The following MACF1 variants were observed in gnomAD, a reference collection of about 807,000 sequenced individuals.
The protein encoded by MACF1 is microtubule-actin cross-linking factor 1.
In MACF1, 193 loss-of-function variants were observed where a neutral mutation model predicts 854.8. That is an observed-to-expected ratio of 0.23 (90% CI 0.20 to 0.25). MACF1 has a LOEUF of 0.25. MACF1 is among the 10% of genes least tolerant of loss of function. MACF1 has a pLI of 1.00. For synonymous variants in MACF1, 3,185 were observed against 3,226.7 expected (o/e 0.99, Z 0.44); for missense variants, 7,722 against 8,929.1 (o/e 0.86, Z 5.45).
chr1:39,218,372 GA>G (rs1317274764), intron 1 of MACF1, among the ~76,000 whole-genome samples: 1 of 152,156 alleles, frequency 6.6e-6, no homozygotes, highest in African/African-American at 2.4e-5. Context: ...GAAGGGAAAT[GA>G]ATGTCATGCA....
At chr1:39,444,221 G>T (rs1644178193) in intron 79 of MACF1, among the ~76,000 whole-genome samples, 1 of 151,988 alleles carries the variant, frequency 6.6e-6, no homozygotes, top group Admixed American at 6.6e-5. Flanking sequence ...TGTAGTCCCA[G>T]CTACTCAGGA....
intron 40 of MACF1, among the ~76,000 whole-genome samples, chr1:39,342,270 T>C (rs778288769): frequency 3.3e-4 from 50 of 152,290 alleles, no homozygotes; most frequent in Non-Finnish European, 6.0e-4. Context: ...TAAAATGTGG[T>C]GTCCACATTT....
intron 23 of MACF1, among the ~76,000 whole-genome samples, chr1:39,305,394 CAG>C (rs1162628908): frequency 3.3e-5 from 5 of 152,088 alleles, no homozygotes; most frequent in African/African-American, 1.2e-4. Context: ...TTCCACATTC[CAG>C]AGTCAAGTGT....
chr1:39,117,314 A>C (rs556434366), intron 2 of MACF1, among the ~76,000 whole-genome samples: 2 of 151,964 alleles, frequency 1.3e-5, no homozygotes, highest in South Asian at 4.2e-4. Context: ...GTTCTTTCCC[A>C]TTGGCACATT....
chr1:39,338,595 C>T (rs913925006), intron 38 of MACF1, among the ~76,000 whole-genome samples: 2 of 152,166 alleles, frequency 1.3e-5, no homozygotes, highest in Non-Finnish European at 2.9e-5. Context: ...TGTGCTCTAA[C>T]GAAAGGCTGG....
In MACF1 at chr1:39,422,468, G is replaced by T; in HGVS notation, c.15911G>T (p.Cys5304Phe). Residue 5304 changes from cysteine (C) to phenylalanine (F), a missense_variant, in exon 59 of 101, where the codon TGT (cysteine) becomes TTT (phenylalanine). Cys to Phe is a radical substitution (Grantham distance 205, BLOSUM62 -2). Coordinates refer to ENST00000564288, the MANE Select transcript of MACF1 (RefSeq NM_001394062.1). The stretch of plus-strand genomic sequence containing the variant: ...TTAATTCAGAGTGCAGGAAAAGACT[G>T]TGATGTACAGGGTTTAGAACATGAC... ...QGLIQSAGKD[C>F]DVQGLEHDME... The T allele has an allele frequency of 6.2e-7, 1 of 1,614,114 alleles. No homozygotes were observed. Among genetic ancestry groups the T allele is most frequent in the Non-Finnish European group, 8.5e-7 (1 of 1,179,954 alleles).
At chr1:39,170,960 A>G (rs1197233673) in intron 2 of MACF1, among the ~76,000 whole-genome samples, 1 of 152,154 alleles carries the variant, frequency 6.6e-6, no homozygotes, top group Non-Finnish European at 1.5e-5. Flanking sequence ...CATAGCACAC[A>G]CACCTGCTGT....
Position 39,382,146 on chromosome 1 carries a change from G to C in MACF1, c.13842G>C (p.Gln4614His). The stretch of plus-strand genomic sequence containing the variant: ...ACATGTTGAATGCACAAAAGCAACA[G>C]GTCCAGGTGAGCAATATAGCAACAA... ...DPNMLNAQKQQVQFMLKEFEA... is the reference protein window; with the variant it reads ...DPNMLNAQKQHVQFMLKEFEA... Residue 4614 changes from glutamine (Q) to histidine (H), a missense_variant, in exon 56 of 101, where the codon CAG (glutamine) becomes CAC (histidine). Coordinates refer to ENST00000564288, the MANE Select transcript of MACF1 (RefSeq NM_001394062.1). 6.2e-7 allele frequency: 1 copy of C among 1,613,494 alleles called. No individual in the cohort carries two copies. The highest frequency in any genetic ancestry group is 1.1e-5 in the South Asian group (1 of 91,066).
intron 44 of MACF1, among the ~76,000 whole-genome samples, chr1:39,355,081 G>A (rs1569661927): frequency 6.6e-6 from 1 of 152,144 alleles, no homozygotes. Context: ...AAAAATATTG[G>A]CTTAGCTGGA....
intron 89 of MACF1, 187 bp from the exon 90 acceptor site, chr1:39,458,183 T>A (rs773749624): frequency 2.9e-4 from 164 of 556,366 alleles, no homozygotes; most frequent in Non-Finnish European, 3.4e-4. Context: ...AAATCACATT[T>A]CAACATGAGA....
chr1:39,108,515 T>G (rs1216252812), intron 2 of MACF1, among the ~76,000 whole-genome samples: 8 of 149,366 alleles, frequency 5.4e-5, no homozygotes, highest in Non-Finnish European at 1.0e-4. Context: ...GGTTTTTTTT[T>G]TTTTTTTTTT....
chr1:39,106,871 G>T (rs1642256004), intron 2 of MACF1, among the ~76,000 whole-genome samples: 2 of 146,190 alleles, frequency 1.4e-5, no homozygotes, highest in Admixed American at 7.1e-5. Context: ...AAGTAGAGAT[G>T]AAATGCGAAA....
chr1:39,275,467 C>T (rs1645416587), intron 6 of MACF1, among the ~76,000 whole-genome samples: 1 of 151,994 alleles, frequency 6.6e-6, no homozygotes, highest in South Asian at 2.1e-4. Flanking sequence ...CGCACAGTAG[C>T]CATAAACTCC....
rs754598193 is a variant in MACF1, at chr1:39,347,002, G to A, written c.10607G>A (p.Arg3536Lys). 1 of 1,612,662 alleles carries A rather than the reference G, an allele frequency of 6.2e-7. No homozygotes were observed. Among genetic ancestry groups the A allele is most frequent in the South Asian group, 1.1e-5 (1 of 90,656 alleles). Residue 3536 changes from arginine to lysine, a missense_variant, in exon 41 of 101, where the codon AGG becomes AAG. This residue lies in a region of MACF1 where 854 missense variants were observed against 852.6 expected (regional missense o/e 1.00). Transcript: ENST00000564288. ...YEDLKQPMAE[R>K]KAQLDALAFD... is the part of the protein sequence containing the mutation. The stretch of plus-strand genomic sequence containing the variant: ...GATTTGAAACAGCCCATGGCTGAAA[G>A]GAAAGCTCAGCTGGATGCTCTTGCT...
At chr1:39,381,366 T>C (rs6679789) in intron 55 of MACF1, among the ~76,000 whole-genome samples, 1,986 of 138,108 alleles carry the variant, frequency 0.014, 63 homozygotes, top group African/African-American at 0.053. Context: ...CTTTTTTTTT[T>C]TTTTTTTTTT....
In MACF1 at chr1:39,335,288, T is replaced by G. The variant is rs1646791762; in HGVS notation, c.8700T>G (p.Asn2900Lys). 1.9e-6 allele frequency: 3 copies of G among 1,613,944 alleles called. No homozygotes were observed. The highest frequency in any genetic ancestry group is 2.5e-6 in the Non-Finnish European group (3 of 1,179,956). ...CDFKLKEVAR[N>K]NMGNDTNEEQ... is the part of the protein sequence containing the mutation. ...TTAAACTTAAAGAAGTGGCTAGAAATAACATGGGAAATGATACAAATGAAG... is the reference window on the plus strand; with the variant it reads ...TTAAACTTAAAGAAGTGGCTAGAAAGAACATGGGAAATGATACAAATGAAG... The change falls in exon 37 of 101, where the codon AAT (asparagine) becomes AAG (lysine). Residue 2900 changes from asparagine to lysine, a missense_variant. Asn to Lys is a moderately conservative substitution (Grantham distance 94). This residue lies in a region of MACF1 where 854 missense variants were observed against 852.6 expected (regional missense o/e 1.00). Coordinates refer to ENST00000564288, the MANE Select transcript of MACF1 (RefSeq NM_001394062.1).
intron 100 of MACF1, 155 bp from the exon 101 acceptor site, chr1:39,485,383 C>G (rs1570253640): frequency 2.4e-6 from 2 of 845,546 alleles, no homozygotes; most frequent in East Asian, 5.6e-5. Context: ...CCAGAAAAGG[C>G]TTCAGCAACT....
intron 91 of MACF1, among the ~76,000 whole-genome samples, chr1:39,459,622 A>G (rs1201433604): frequency 6.6e-6 from 1 of 152,224 alleles, no homozygotes; most frequent in Admixed American, 6.5e-5. Flanking sequence ...TGAGCCTTTC[A>G]TGTAAAAACA....
chr1:39,120,074 G>A (rs1642659362), intron 2 of MACF1, among the ~76,000 whole-genome samples: 1 of 151,620 alleles, frequency 6.6e-6, no homozygotes, highest in Admixed American at 6.6e-5. Context: ...AGTAGAGACG[G>A]GGTTTCTCCA....
Sources: gnomAD v4.1 joint callset for allele counts (sites outside exome capture counted in the v4.1 genomes callset) on GRCh38, gnomAD v4.1.1 for gene constraint, gnomAD v4.1.1 regional missense constraint, MANE v1.5 for transcripts, NCBI Gene and HGNC (gene_info 2026-07-23, HGNC 2026-07-21) for gene names.